DNAJC6: variants seen among roughly 807,000 people sequenced by gnomAD.
DNAJC6 encodes the protein DnaJ heat shock protein family (Hsp40) member C6.
DNAJC6 carries 34 observed loss-of-function variants against 110.0 expected under a neutral mutation model. The ratio of observed to expected loss-of-function variants is 0.31; its 90% CI spans 0.24 to 0.41. DNAJC6 has a LOEUF of 0.41. Among genes scored for constraint, DNAJC6 ranks in the 10% least tolerant of loss-of-function variants. The pLI, the probability that DNAJC6 is intolerant of heterozygous loss-of-function variation, is 1.00. For synonymous variants in DNAJC6, 406 were observed against 437.2 expected (o/e 0.93, Z 0.89); for missense variants, 1,031 against 1,207.8 (o/e 0.85, Z 2.17).
rs375120276 is a variant in DNAJC6 at position 65,356,513 on chromosome 1, G to A, written c.194-8122G>A. On this transcript the variant is annotated intron_variant, in intron 1 of 18. Coordinates refer to ENST00000371069, the MANE Select transcript of DNAJC6 (RefSeq NM_001256864.2). ...CAGGAGGTGGAGGTTGCAGTGAGCCGAGACTGCACCACTGCACTGCAGCCT... is the reference window on the plus strand; with the variant it reads ...CAGGAGGTGGAGGTTGCAGTGAGCCAAGACTGCACCACTGCACTGCAGCCT... 1.3e-4 allele frequency among the ~76,000 whole-genome samples: 19 copies of A among 151,740 alleles called. No individual in the cohort carries two copies. In the East Asian group the frequency reaches 2.5e-3, roughly 20 times the overall value.
chr1:65,406,194 G>C (rs1361153917), intron 16 of DNAJC6, 61 bp downstream of exon 16: 2 of 1,551,294 alleles, frequency 1.3e-6, no homozygotes, highest in African/African-American at 1.4e-5. Flanking sequence ...CATACTGCCT[G>C]AATGTGTCTC....
At chr1:65,383,236 T>C (rs1345481219) in intron 5 of DNAJC6, among the ~76,000 whole-genome samples, 1 of 152,240 alleles carries the variant, frequency 6.6e-6, no homozygotes, top group Non-Finnish European at 1.5e-5. Flanking sequence ...CTGTAACAAA[T>C]ATACCATAGA....
intron 5 of DNAJC6, among the ~76,000 whole-genome samples, chr1:65,380,677 T>C (rs894370035): frequency 2.6e-5 from 4 of 152,040 alleles, no homozygotes; most frequent in Admixed American, 2.6e-4. Context: ...ATCTGACAAC[T>C]TGATGGAGGA....
chr1:65,308,849 TCTAAA>T (rs1374427538), upstream of DNAJC6, among the ~76,000 whole-genome samples: 2 of 152,320 alleles, frequency 1.3e-5, no homozygotes, highest in East Asian at 3.9e-4. Context: ...AACAAAGAGT[TCTAAA>T]CAGTCACATC....
At chr1:65,310,522 A>G (rs1645089553) in intron 1 of DNAJC6, among the ~76,000 whole-genome samples, 1 of 152,170 alleles carries the variant, frequency 6.6e-6, no homozygotes, top group Admixed American at 6.5e-5. Context: ...TCTTTTACAC[A>G]GCTTTTACTG....
intron 1 of DNAJC6, among the ~76,000 whole-genome samples, chr1:65,283,868 A>G (rs973093612): frequency 6.6e-6 from 1 of 152,066 alleles, no homozygotes; most frequent in African/African-American, 2.4e-5. Flanking sequence ...GTAGTGATAC[A>G]TTGACTTTTT....
intron 6 of DNAJC6, 132 bp downstream of exon 6, chr1:65,384,458 C>A: frequency 1.2e-6 from 1 of 854,060 alleles, no homozygotes; most frequent in Non-Finnish European, 1.6e-6. Flanking sequence ...TTTAATATTG[C>A]TATGAAGAAC....
intron 18 of DNAJC6, among the ~76,000 whole-genome samples, 157 bp downstream of exon 18, chr1:65,411,583 T>C (rs1442968515): frequency 1.3e-5 from 2 of 152,164 alleles, no homozygotes; most frequent in African/African-American, 4.8e-5. Flanking sequence ...TAGTTATACT[T>C]TATGAAATGA....
chr1:65,332,142 A>AT (rs1039852591), intron 1 of DNAJC6, among the ~76,000 whole-genome samples: 16 of 152,076 alleles, frequency 1.1e-4, no homozygotes, highest in Admixed American at 2.6e-4. Context: ...TGCTTTTTAA[A>AT]TTTTTTTTCT....
intron 4 of DNAJC6, among the ~76,000 whole-genome samples, chr1:65,369,877 T>C (rs1369771153): frequency 6.6e-6 from 1 of 152,156 alleles, no homozygotes; most frequent in Non-Finnish European, 1.5e-5. Context: ...ATTTTTCTAT[T>C]ATGTATTTGC....
intron 1 of DNAJC6, among the ~76,000 whole-genome samples, chr1:65,268,152 C>T (rs1027574641): frequency 6.6e-6 from 1 of 152,144 alleles, no homozygotes; most frequent in African/African-American, 2.4e-5. Flanking sequence ...CAGGATGTTG[C>T]AGGTTCAGAA....
Position 65,380,911 on chromosome 1 carries a change from G to GTTTTTTTTTTTTTTTTTTTTTTT in DNAJC6, c.666+1391_666+1392insTTTTTTTTTTTTTTTTTTTTTTT, listed in dbSNP as rs1312055301. On this transcript the variant is annotated intron_variant, in intron 5 of 18. Transcript: ENST00000371069. ...GGGAGTTTTTTTTTTTTTGTTTTTT[G>GTTTTTTTTTTTTTTTTTTTTTTT]TTTTGTTTTGTTTTTTTTTTTTTTT... Among the ~76,000 whole-genome samples, 52 of 114,896 alleles carry GTTTTTTTTTTTTTTTTTTTTTTT rather than the reference G, an allele frequency of 4.5e-4. 9 individuals are homozygous for GTTTTTTTTTTTTTTTTTTTTTTT. The highest frequency in any genetic ancestry group is 1.9e-3 in the African/African-American group (45 of 23,296). The allele number at this position is 114,896 out of a possible 152,430, so 75.4% of individuals were successfully genotyped here.
intron 1 of DNAJC6, among the ~76,000 whole-genome samples, chr1:65,275,899 C>CTT (rs34750466): frequency 0.043 from 5,908 of 138,812 alleles, 187 homozygotes; most frequent in Non-Finnish European, 0.069. Flanking sequence ...CTATTAGATT[C>CTT]TTTTTTTTTT....
At chr1:65,398,994 A>T (rs1646005700) in intron 14 of DNAJC6, 113 bp downstream of exon 14, 1 of 1,062,112 alleles carries the variant, frequency 9.4e-7, no homozygotes, top group Non-Finnish European at 1.4e-6. Context: ...AATTTGTGTC[A>T]CTTTTTCCTA....
chr1:65,284,123 A>G (rs1557497208), intron 1 of DNAJC6, among the ~76,000 whole-genome samples: 2 of 152,260 alleles, frequency 1.3e-5, no homozygotes, highest in East Asian at 1.9e-4. Flanking sequence ...AGTGCTCTCC[A>G]CTGCTGCCAG....
intron 13 of DNAJC6, among the ~76,000 whole-genome samples, chr1:65,397,097 C>T (rs1191015228): frequency 1.3e-5 from 2 of 152,136 alleles, no homozygotes; most frequent in Non-Finnish European, 2.9e-5. Flanking sequence ...AGTTAGTACT[C>T]CTTTGTTTTG....
rs1200066582 is a variant in DNAJC6 at position 65,386,907 on chromosome 1, T to C, written c.1091T>C (p.Ile364Thr). 10 of 1,614,122 alleles carry C rather than the reference T, an allele frequency of 6.2e-6. No homozygotes were observed. Among genetic ancestry groups the C allele is most frequent in the Admixed American group, 1.7e-5 (1 of 60,020 alleles). Residue 364 changes from isoleucine (I) to threonine (T), a missense_variant, in exon 8 of 19, where the codon ATT becomes ACT. Ile to Thr is a moderately conservative substitution (Grantham distance 89). Coordinates refer to ENST00000371069, the MANE Select transcript of DNAJC6 (RefSeq NM_001256864.2). ...TCCATGTATCACTTGAGGTCAACCA[T>C]TGGGAGCCGGCTACAGGCTAAGGTA... ...VVSMYHLRST[I>T]GSRLQAKVTN... is the part of the protein sequence containing the mutation.
intron 1 of DNAJC6, among the ~76,000 whole-genome samples, chr1:65,349,150 A>G (rs1394599247): frequency 6.8e-6 from 1 of 147,782 alleles, no homozygotes; most frequent in African/African-American, 2.5e-5. Context: ...AAATATATAT[A>G]TTTGGTATGT....
At chr1:65,291,118 C>T (rs749177513) in intron 1 of DNAJC6, among the ~76,000 whole-genome samples, 2 of 152,304 alleles carry the variant, frequency 1.3e-5, no homozygotes, top group African/African-American at 4.8e-5. Flanking sequence ...CTGCAACGAC[C>T]GCCTCCTGGG....
Sources: allele counts gnomAD v4.1 joint callset (sites outside exome capture counted in the v4.1 genomes callset), GRCh38; gene constraint gnomAD v4.1.1; transcripts MANE v1.5; gene names NCBI Gene and HGNC (gene_info 2026-07-23, HGNC 2026-07-21).